Variants in NUP42 observed in about 807,000 individuals in gnomAD.
NUP42 encodes the protein nucleoporin 42.
A neutral mutation model predicts 35.9 loss-of-function variants in NUP42; 47 were observed. That is an observed-to-expected ratio of 1.31 (90% CI 1.04 to 1.67). The LOEUF is 1.67. Ranked by LOEUF, NUP42 falls within the 40% of genes most tolerant of loss-of-function variation. The pLI is 0.00. For missense variants in NUP42, 514 were observed against 492.2 expected (o/e 1.04, Z -0.42); for synonymous variants, 173 against 173.3 (o/e 1.00, Z 0.01).
intron 1 of NUP42, among the ~76,000 whole-genome samples, chr7:23,183,575 C>T (rs1383327677): frequency 6.6e-6 from 1 of 152,048 alleles, no homozygotes; most frequent in Non-Finnish European, 1.5e-5. Context: ...GATCCCACTT[C>T]AGGGAAGACA....
At chr7:23,198,241 C>G (rs1314027270) in intron 5 of NUP42, 1 of 108,308 alleles carries the variant, frequency 9.2e-6, no homozygotes, top group Admixed American at 1.2e-4. Flanking sequence ...GAGGCAGAGT[C>G]TCACTCTGTC....
intron 3 of NUP42, among the ~76,000 whole-genome samples, chr7:23,189,038 G>A (rs985381115): frequency 6.6e-6 from 1 of 152,174 alleles, no homozygotes; most frequent in Admixed American, 6.5e-5. Context: ...GTGACAAAAT[G>A]GGAAGCACAC....
chr7:23,188,028 C>G, intron 3 of NUP42: 1 of 1,259,162 alleles, frequency 7.9e-7, no homozygotes, highest in Non-Finnish European at 1.1e-6. Flanking sequence ...TTTTTTTGTC[C>G]ATAGTCCCTA....
intron 3 of NUP42, among the ~76,000 whole-genome samples, chr7:23,189,430 A>G (rs145695291): frequency 0.016 from 2,452 of 152,256 alleles, 51 homozygotes; most frequent in African/African-American, 0.05. Flanking sequence ...CCTGGACAAT[A>G]TAGCAAGACC....
intron 3 of NUP42, chr7:23,188,232 A>G (rs1197515648): frequency 4.0e-6 from 5 of 1,250,858 alleles, no homozygotes; most frequent in Non-Finnish European, 5.0e-6. Flanking sequence ...TTGCATTACA[A>G]CGCTTCTTAT....
At chr7:23,193,068 T>C (rs1227413503) in intron 3 of NUP42, among the ~76,000 whole-genome samples, 2 of 151,668 alleles carry the variant, frequency 1.3e-5, no homozygotes, top group African/African-American at 4.8e-5. Context: ...GTTACGGCTC[T>C]TAAGGCGGCC....
At chr7:23,184,065 A>G (rs1785509708) in intron 1 of NUP42, among the ~76,000 whole-genome samples, 1 of 152,190 alleles carries the variant, frequency 6.6e-6, no homozygotes, top group Non-Finnish European at 1.5e-5. Flanking sequence ...TGAGATTGCT[A>G]AAATGATTTT....
chr7:23,195,840 T>C lies in NUP42; in HGVS notation c.447T>C (p.Gly149=). Reference sequence around the variant, plus strand: ...ATTCCGATTGATTCCTCACTTCAGGTTTTACAGACATTTCACCAGAGGAAT... The same window carrying C: ...ATTCCGATTGATTCCTCACTTCAGGCTTTACAGACATTTCACCAGAGGAAT... ...SPVKKKPNIS[G]FTDISPEELR... is the part of the protein sequence containing the mutation. Residue 149 remains glycine, a splice_region_variant and synonymous_variant, in exon 4 of 7, where the codon GGT becomes GGC. Coordinates refer to ENST00000258742, the MANE Select transcript of NUP42 (RefSeq NM_007342.3). The C allele has an allele frequency of 5.0e-6, 8 of 1,593,944 alleles. No homozygotes were observed. Among genetic ancestry groups the C allele is most frequent in the Non-Finnish European group, 6.8e-6 (8 of 1,167,902 alleles).
At chr7:23,183,441 G>A (rs1056857514) in intron 1 of NUP42, among the ~76,000 whole-genome samples, 3 of 151,950 alleles carry the variant, frequency 2.0e-5, no homozygotes, top group Non-Finnish European at 4.4e-5. Context: ...TACCGGTCTC[G>A]AACTCGTGAC....
chr7:23,199,596 A>G, intron 6 of NUP42, 54 bp downstream of exon 6: 1 of 1,451,996 alleles, frequency 6.9e-7, no homozygotes, highest in Admixed American at 1.7e-5. Context: ...TAGATTTTAT[A>G]GGTTTCAAAT....
intron 3 of NUP42, chr7:23,188,016 T>A: frequency 2.6e-6 from 3 of 1,144,260 alleles, no homozygotes; most frequent in Admixed American, 2.7e-5. Context: ...TATTTTTATT[T>A]TTTTTTTTGT....
intron 3 of NUP42, chr7:23,187,946 C>A: frequency 2.4e-6 from 1 of 420,508 alleles, no homozygotes; most frequent in Non-Finnish European, 4.2e-6. Context: ...GTCTCTCTCT[C>A]TCTCTCTGGC....
chr7:23,196,597 A>G lies in NUP42; in HGVS notation c.523-83A>G, dbSNP rs966066540. ...TACATAAACCTTTTGTGATTTTGGC[A>G]AAGAAGTATGTGAAGTTTTTATTGA... On this transcript the variant is annotated intron_variant, in intron 4 of 6. Transcript: ENST00000258742. The G allele has an allele frequency of 1.1e-5, 11 of 1,015,764 alleles. No individual in the cohort carries two copies. The African/African-American group carries it at 1.8e-4, about 16-fold the overall frequency. 62.9% of individuals were successfully genotyped at this position (1,015,764 alleles called of 1,614,324 possible). A position where few individuals can be genotyped will look rare whatever the true frequency, so the allele number is the denominator to read the frequency against.
intron 4 of NUP42, chr7:23,196,337 T>C: frequency 4.5e-6 from 1 of 224,192 alleles, no homozygotes; most frequent in Non-Finnish European, 8.6e-6. Flanking sequence ...GTTGAGTACC[T>C]GAAGGAAGCA....
rs1785633634 is a variant in NUP42, at chr7:23,187,497, T to TAA, written c.445+351_445+352insAA. Reference sequence around the variant, plus strand: ...TAAGGCCTTGGCTGCCTGGTTCTGTTCTTTCTTCCCTGTCTTTCCTTCTAA... The same window carrying TAA: ...TAAGGCCTTGGCTGCCTGGTTCTGTTAACTTTCTTCCCTGTCTTTCCTTCTAA... On this transcript the variant is annotated intron_variant, in intron 3 of 6. Transcript: ENST00000258742. 1.7e-5 allele frequency: 3 copies of TAA among 175,682 alleles called. No individual in the cohort carries two copies. In the South Asian group the frequency reaches 5.1e-4, roughly 30 times the overall value. The allele number at this position is 175,682 out of a possible 1,614,324, so 10.9% of individuals were successfully genotyped here.
chr7:23,200,622 T>A lies in NUP42; in HGVS notation c.1149T>A (p.Asp383Glu). The A allele has an allele frequency of 1.2e-6, 2 of 1,614,124 alleles. No individual in the cohort carries two copies. Among genetic ancestry groups the A allele is most frequent in the African/African-American group, 1.3e-5 (1 of 75,042 alleles). ...LSASSSIIAT[D>E]NVLFTPRDKL... The stretch of plus-strand genomic sequence containing the variant: ...CCTCAAGCAGCATCATTGCAACAGA[T>A]AATGTGTTATTCACACCCAGAGATA... The change falls in exon 7 of 7, where the codon GAT (aspartate) becomes GAA (glutamate). Residue 383 changes from aspartate (D) to glutamate (E), a missense_variant. By Grantham distance (45) the Asp-to-Glu change is conservative. Transcript: ENST00000258742.
Position 23,199,489 on chromosome 7 carries a change from C to G in NUP42, c.641C>G (p.Ala214Gly). ...GATGTAAAGGATGGAGTAAATCAAG[C>G]AGCACCTGCATTTGGATTTGGCAGC... is the stretch of plus-strand genomic sequence containing the variant. ...LSDVKDGVNQ[A>G]APAFGFGSSQ... The change falls in exon 6 of 7, where the codon GCA (alanine) becomes GGA (glycine). Residue 214 changes from alanine to glycine, a missense_variant. Ala to Gly is a moderately conservative substitution (Grantham distance 60, BLOSUM62 0). Coordinates refer to ENST00000258742, the MANE Select transcript of NUP42 (RefSeq NM_007342.3). 6.2e-7 allele frequency: 1 copy of G among 1,613,982 alleles called. No homozygotes were observed. Among genetic ancestry groups the G allele is most frequent in the South Asian group, 1.1e-5 (1 of 91,078 alleles).
intron 2 of NUP42, among the ~76,000 whole-genome samples, chr7:23,185,587 C>T (rs1320525953): frequency 6.6e-6 from 1 of 152,054 alleles, no homozygotes; most frequent in East Asian, 1.9e-4. Context: ...GGTAATTACG[C>T]TTTTTCCACT....
rs376551952 is a variant in NUP42 at position 23,185,107 on chromosome 7, A to T, written c.159A>T (p.Arg53Ser). 7.0e-5 allele frequency: 113 copies of T among 1,614,004 alleles called. No individual in the cohort carries two copies. The highest frequency in any genetic ancestry group is 8.7e-5 in the Non-Finnish European group (103 of 1,179,972). Residue 53 changes from arginine (R) to serine (S), a missense_variant, in exon 2 of 7, where the codon AGA becomes AGT. Physicochemically the swap from Arg to Ser is moderately radical, Grantham distance 110. Transcript: ENST00000258742. ...GTGGATGGAATACAACTAGCCAGAG[A>T]TATTCCAATGTCATCCAGCCATCCA... Reference protein sequence around the residue: ...NRRGWNTTSQRYSNVIQPSSF... With the variant: ...NRRGWNTTSQSYSNVIQPSSF...
Sources: gnomAD v4.1 joint callset for allele counts (sites outside exome capture counted in the v4.1 genomes callset) on GRCh38, gnomAD v4.1.1 for gene constraint, MANE v1.5 for transcripts, NCBI Gene and HGNC (gene_info 2026-07-23, HGNC 2026-07-21) for gene names.